The following FSHR variants were observed in gnomAD, a reference collection of about 807,000 sequenced individuals.
FSHR encodes follicle stimulating hormone receptor.
In FSHR, 46 loss-of-function variants were observed where a neutral mutation model predicts 52.1. The ratio of observed to expected loss-of-function variants is 0.88; its 90% CI spans 0.70 to 1.13. FSHR has a LOEUF of 1.13. Among genes scored for constraint, FSHR ranks in the 50% most tolerant of loss-of-function variants. The pLI, the probability that FSHR is intolerant of heterozygous loss-of-function variation, is 0.00. For missense variants in FSHR, 964 were observed against 834.6 expected, an observed-to-expected ratio of 1.16 and a Z score of -1.91; for synonymous variants, 399 against 309.6, an observed-to-expected ratio of 1.29 and a Z score of -3.03.
chr2:49,134,550 C>A (rs1043022927), intron 1 of FSHR, among the ~76,000 whole-genome samples: 6 of 152,136 alleles, frequency 3.9e-5, no homozygotes, highest in African/African-American at 1.4e-4. Flanking sequence ...TTTGACCCAG[C>A]CATCTCATTA....
chr2:49,108,992 C>T (rs918811898), intron 1 of FSHR, among the ~76,000 whole-genome samples: 3 of 152,250 alleles, frequency 2.0e-5, no homozygotes, highest in South Asian at 2.1e-4. Flanking sequence ...GCATTAAGCA[C>T]GCCTGCTGGG....
At chr2:49,078,040 GGT>G (rs1460154365) in intron 1 of FSHR, among the ~76,000 whole-genome samples, 2 of 152,180 alleles carry the variant, frequency 1.3e-5, no homozygotes, top group African/African-American at 4.8e-5. Flanking sequence ...CACATTTTCA[GGT>G]GTGTTTTCAG....
At chr2:49,137,989 A>G (rs1572796848) in intron 1 of FSHR, among the ~76,000 whole-genome samples, 1 of 152,178 alleles carries the variant, frequency 6.6e-6, no homozygotes, top group African/African-American at 2.4e-5. Flanking sequence ...TTCAAAGGAC[A>G]CCTTCAAAAA....
chr2:49,063,697 G>T (rs1278523264), intron 2 of FSHR, among the ~76,000 whole-genome samples: 4 of 152,114 alleles, frequency 2.6e-5, no homozygotes, highest in African/African-American at 7.2e-5. Context: ...GATACCAAAA[G>T]ATTGGTTAAT....
chr2:48,993,570 A>C (rs1675881752), intron 4 of FSHR, among the ~76,000 whole-genome samples: 2 of 152,044 alleles, frequency 1.3e-5, no homozygotes, highest in Non-Finnish European at 1.5e-5. Flanking sequence ...TCCATTCTCC[A>C]TACAGCACTC....
At chr2:49,106,235 C>A (rs1425954744) in intron 1 of FSHR, among the ~76,000 whole-genome samples, 2 of 152,122 alleles carry the variant, frequency 1.3e-5, no homozygotes, top group Non-Finnish European at 2.9e-5. Flanking sequence ...GAAGTGCAAA[C>A]ACTGCAGGGA....
chr2:49,096,167 A>G (rs904600396), intron 1 of FSHR, among the ~76,000 whole-genome samples: 3 of 152,214 alleles, frequency 2.0e-5, no homozygotes, highest in Admixed American at 1.3e-4. Context: ...ATGGATATTC[A>G]TAGAAGCATC....
chr2:49,008,810 C>A (rs1482741573), intron 4 of FSHR, among the ~76,000 whole-genome samples: 3 of 146,808 alleles, frequency 2.0e-5, no homozygotes, highest in African/African-American at 7.6e-5. Flanking sequence ...TGTTTTTTGG[C>A]TGCATAAATG....
rs150633274 is a variant in FSHR, at chr2:48,989,626, T to G, written c.447-572A>C. ...TTTCTTAAATAATTTCACCCTAATG[T>G]AACAAACACTTAAGCTGACCTTTCA... On this transcript the variant is annotated intron_variant, in intron 5 of 9. Transcript: ENST00000406846. Among the ~76,000 whole-genome samples, 161 of 152,318 alleles carry G rather than the reference T, an allele frequency of 1.1e-3. 1 individual carries two copies. In the South Asian group the frequency reaches 0.015, roughly 14 times the overall value.
intron 1 of FSHR, among the ~76,000 whole-genome samples, chr2:49,073,528 C>T (rs1345726090): frequency 4.0e-5 from 6 of 151,884 alleles, no homozygotes; most frequent in African/African-American, 1.4e-4. Context: ...AACTACAGAA[C>T]ACTAATAAAA....
At chr2:49,119,714 T>C (rs1205502371) in intron 1 of FSHR, among the ~76,000 whole-genome samples, 1 of 152,152 alleles carries the variant, frequency 6.6e-6, no homozygotes, top group African/African-American at 2.4e-5. Context: ...GTGGTTATGA[T>C]TGCAATTTTC....
chr2:49,053,672 T>C (rs1300323369), intron 2 of FSHR, among the ~76,000 whole-genome samples: 1 of 152,112 alleles, frequency 6.6e-6, no homozygotes, highest in Non-Finnish European at 1.5e-5. Flanking sequence ...TGCACAAACT[T>C]CTATTCCTGG....
intron 1 of FSHR, among the ~76,000 whole-genome samples, chr2:49,151,733 T>G (rs1413599992): frequency 6.6e-6 from 1 of 152,140 alleles, no homozygotes; most frequent in Admixed American, 6.6e-5. Flanking sequence ...TACGCAAACT[T>G]GGAAGATTGT....
At chr2:49,058,288 C>T (rs1278405754) in intron 2 of FSHR, among the ~76,000 whole-genome samples, 1 of 152,174 alleles carries the variant, frequency 6.6e-6, no homozygotes, top group Non-Finnish European at 1.5e-5. Context: ...GTGGCTCATG[C>T]CTGTAATCCC....
chr2:48,975,810 A>G (rs1029974680), intron 8 of FSHR, among the ~76,000 whole-genome samples: 7 of 152,156 alleles, frequency 4.6e-5, no homozygotes, highest in Non-Finnish European at 8.8e-5. Context: ...GTGTATAGGA[A>G]TGCTTGTGAT....
At chr2:49,056,089 T>C (rs530118435) in intron 2 of FSHR, among the ~76,000 whole-genome samples, 1 of 151,938 alleles carries the variant, frequency 6.6e-6, no homozygotes, top group South Asian at 2.1e-4. Flanking sequence ...ACAAAGGATA[T>C]ACAAAACAAG....
At chr2:49,024,472 G>A (rs1258897187) in intron 2 of FSHR, among the ~76,000 whole-genome samples, 1 of 152,144 alleles carries the variant, frequency 6.6e-6, no homozygotes, top group Non-Finnish European at 1.5e-5. Context: ...TACTCAGGAG[G>A]TTGAGGCAGG....
chr2:49,131,530 C>T (rs1672276796), intron 1 of FSHR, among the ~76,000 whole-genome samples: 1 of 152,104 alleles, frequency 6.6e-6, no homozygotes, highest in East Asian at 1.9e-4. Context: ...ATTTGAGAAG[C>T]CGTTTATTTT....
chr2:49,131,962 G>T (rs1672294922), intron 1 of FSHR, among the ~76,000 whole-genome samples: 1 of 152,086 alleles, frequency 6.6e-6, no homozygotes, highest in South Asian at 2.1e-4. Flanking sequence ...CTCAAATATT[G>T]CTCTGCCCAT....
Sources: gnomAD v4.1 joint callset for allele counts (sites outside exome capture counted in the v4.1 genomes callset) on GRCh38, gnomAD v4.1.1 for gene constraint, MANE v1.5 for transcripts, NCBI Gene and HGNC (gene_info 2026-07-23, HGNC 2026-07-21) for gene names.